The following CSGALNACT1 variants were observed in gnomAD, a reference collection of about 807,000 sequenced individuals.
CSGALNACT1 encodes the protein chondroitin sulfate N-acetylgalactosaminyltransferase 1.
A neutral mutation model predicts 51.0 loss-of-function variants in CSGALNACT1; 52 were observed. The ratio of observed to expected loss-of-function variants is 1.02; its 90% CI spans 0.82 to 1.29. The LOEUF is 1.29. Among genes scored for constraint, CSGALNACT1 ranks in the 50% most tolerant of loss-of-function variants. The pLI is 0.00. For missense variants in CSGALNACT1, 935 were observed against 679.2 expected (o/e 1.38, Z -4.19); for synonymous variants, 341 against 254.4 (o/e 1.34, Z -3.24).
chr8:19,463,765 GCTTT>G (rs984210398), intron 4 of CSGALNACT1, among the ~76,000 whole-genome samples: 1 of 152,130 alleles, frequency 6.6e-6, no homozygotes, highest in African/African-American at 2.4e-5. Flanking sequence ...TAAATGCTAA[GCTTT>G]CTTTGAGTTT....
At chr8:19,545,261 T>C (rs2086199057) in intron 3 of CSGALNACT1, among the ~76,000 whole-genome samples, 1 of 152,210 alleles carries the variant, frequency 6.6e-6, no homozygotes, top group South Asian at 2.1e-4. Flanking sequence ...AATGAGGATG[T>C]CCTTGTGGTT....
chr8:19,548,669 C>A (rs941623330), intron 3 of CSGALNACT1, among the ~76,000 whole-genome samples: 1 of 152,186 alleles, frequency 6.6e-6, no homozygotes, highest in Non-Finnish European at 1.5e-5. Context: ...ATTTTAAAAT[C>A]AAATGGTACT....
chr8:19,440,876 G>A (rs2061221740), intron 5 of CSGALNACT1, among the ~76,000 whole-genome samples: 1 of 152,076 alleles, frequency 6.6e-6, no homozygotes, highest in African/African-American at 2.4e-5. Flanking sequence ...AAAGTCTCAG[G>A]ATATAAAATC....
At chr8:19,423,116 A>G (rs1184034315) in intron 6 of CSGALNACT1, among the ~76,000 whole-genome samples, 2 of 152,194 alleles carry the variant, frequency 1.3e-5, no homozygotes, top group Admixed American at 1.3e-4. Flanking sequence ...CTACTACAGG[A>G]GAGTTCAACT....
intron 7 of CSGALNACT1, among the ~76,000 whole-genome samples, chr8:19,418,987 C>T (rs762683911): frequency 6.6e-6 from 1 of 152,090 alleles, no homozygotes; most frequent in East Asian, 1.9e-4. Context: ...GCTGAGATTA[C>T]AGGTGCCCGC....
chr8:19,697,008 T>C (rs957683529), intron 1 of CSGALNACT1, among the ~76,000 whole-genome samples: 2 of 151,994 alleles, frequency 1.3e-5, no homozygotes, highest in East Asian at 3.9e-4. Flanking sequence ...GAGGTAAAGA[T>C]GGTAAGGACA....
At position 19,440,247 on chromosome 8, in the gene CSGALNACT1, C is replaced by T. The variant is rs1324124816; in HGVS notation, c.852-316G>A. ...GTCATGGAATTGGGTCCTTGGGGTC[C>T]CTGGTTCTTACCCCATAAAAAGACT... On this transcript the variant is annotated intron_variant, in intron 5 of 9. Transcript: ENST00000454498. 3.3e-5 allele frequency among the ~76,000 whole-genome samples: 5 copies of T among 152,266 alleles called. No homozygotes were observed. In the East Asian group the frequency reaches 9.6e-4, roughly 29 times the overall value.
At chr8:19,495,360 A>G (rs1283956127) in intron 4 of CSGALNACT1, among the ~76,000 whole-genome samples, 1 of 152,160 alleles carries the variant, frequency 6.6e-6, no homozygotes, top group Non-Finnish European at 1.5e-5. Flanking sequence ...CAGAAACAAT[A>G]TTGTCTGTTG....
At chr8:19,725,695 T>C (rs1256821406) in intron 1 of CSGALNACT1, among the ~76,000 whole-genome samples, 2 of 152,102 alleles carry the variant, frequency 1.3e-5, no homozygotes, top group Admixed American at 1.3e-4. Flanking sequence ...AGTGCTGGGA[T>C]TACAGGAGTG....
At position 19,430,777 on chromosome 8, in the gene CSGALNACT1, G is replaced by A. The variant is rs182535028; in HGVS notation, c.953+9053C>T. Among the ~76,000 whole-genome samples the A allele has an allele frequency of 5.3e-5, 8 of 152,174 alleles. No homozygotes were observed. In the East Asian group the frequency reaches 7.7e-4, roughly 15 times the overall value. On this transcript the variant is annotated intron_variant, in intron 6 of 9. Coordinates refer to ENST00000454498, the Ensembl canonical transcript of CSGALNACT1. ...AGGGATTGTACTGAAACTATAGATC[G>A]ACTGACTGAGTACTGTCATTTGAAG... is the stretch of plus-strand genomic sequence containing the variant.
chr8:19,581,745 C>T (rs2045624402), intron 3 of CSGALNACT1, among the ~76,000 whole-genome samples: 1 of 152,272 alleles, frequency 6.6e-6, no homozygotes, highest in Non-Finnish European at 1.5e-5. Context: ...TTAATACATA[C>T]TCATAATTTC....
chr8:19,648,148 C>G (rs1222815871), intron 1 of CSGALNACT1, among the ~76,000 whole-genome samples: 1 of 152,216 alleles, frequency 6.6e-6, no homozygotes, highest in African/African-American at 2.4e-5. Context: ...AAACAGCTCA[C>G]TAGACCACTT....
At position 19,447,205 on chromosome 8, in the gene CSGALNACT1, G is replaced by C. The variant is rs145693287; in HGVS notation, c.852-7274C>G. Among the ~76,000 whole-genome samples the C allele has an allele frequency of 3.0e-4, 45 of 152,320 alleles. No individual in the cohort carries two copies. The East Asian group carries it at 6.6e-3, about 22-fold the overall frequency. Reference sequence around the variant, plus strand: ...AGGTTTCCTAAGCACCTGCCTGGTAGTCAGCTCCCCAGGTCACCTGAGCCA... The same window carrying C: ...AGGTTTCCTAAGCACCTGCCTGGTACTCAGCTCCCCAGGTCACCTGAGCCA... On this transcript the variant is annotated intron_variant, in intron 5 of 9. Coordinates refer to ENST00000454498, the Ensembl canonical transcript of CSGALNACT1.
At chr8:19,532,833 A>T (rs139602029) in intron 3 of CSGALNACT1, among the ~76,000 whole-genome samples, 2 of 152,290 alleles carry the variant, frequency 1.3e-5, no homozygotes, top group Non-Finnish European at 2.9e-5. Context: ...CACCAAAGGA[A>T]ATGTTTACAC....
intron 1 of CSGALNACT1, among the ~76,000 whole-genome samples, chr8:19,705,156 C>T (rs190318651): frequency 3.3e-5 from 5 of 152,268 alleles, no homozygotes; most frequent in Admixed American, 1.3e-4. Flanking sequence ...TATACCAAAG[C>T]ATCACATTGT....
At chr8:19,741,224 T>C (rs2064292972) in intron 1 of CSGALNACT1, among the ~76,000 whole-genome samples, 2 of 152,274 alleles carry the variant, frequency 1.3e-5, no homozygotes, top group Admixed American at 1.3e-4. Context: ...TCACTGGTAC[T>C]CCAGAGCTCC....
intron 4 of CSGALNACT1, among the ~76,000 whole-genome samples, chr8:19,504,505 A>T (rs1259275778): frequency 6.6e-6 from 1 of 152,248 alleles, no homozygotes; most frequent in Non-Finnish European, 1.5e-5. Flanking sequence ...AACTTCCAAG[A>T]AACTGGACAA....
chr8:19,457,474 A>G, intron 5 of CSGALNACT1: 1 of 377,386 alleles, frequency 2.6e-6, no homozygotes, highest in Non-Finnish European at 5.1e-6. Context: ...TTAGCCGGGC[A>G]TGGTAATGGG....
exon 10 of CSGALNACT1, chr8:19,404,859 C>A (rs1384711316): frequency 2.2e-6 from 1 of 454,334 alleles, no homozygotes; most frequent in Non-Finnish European, 4.4e-6. Context: ...CTCCAGTGTT[C>A]AGTTGCTCCT....
Sources: gnomAD v4.1 joint callset for allele counts (sites outside exome capture counted in the v4.1 genomes callset) on GRCh38, gnomAD v4.1.1 for gene constraint, MANE v1.5 for transcripts, NCBI Gene and HGNC (gene_info 2026-07-23, HGNC 2026-07-21) for gene names.